The following NRG3 variants were observed in gnomAD, a reference collection of about 807,000 sequenced individuals.
NRG3 encodes neuregulin 3.
In NRG3, 31 loss-of-function variants were observed where a neutral mutation model predicts 66.9. The ratio of observed to expected loss-of-function variants is 0.46; its 90% CI spans 0.35 to 0.63. The LOEUF (loss-of-function observed/expected upper bound fraction) is 0.63, where lower values mean the gene tolerates loss of function less well. Among genes scored for constraint, NRG3 ranks in the 20% least tolerant of loss-of-function variants. The probability of loss-of-function intolerance (pLI) is 0.00; values close to 1 mark genes in which losing one functional copy is unlikely to be tolerated. For missense variants in NRG3, 910 were observed against 878.9 expected, an observed-to-expected ratio of 1.04 and a Z score of -0.45; for synonymous variants, 393 against 359.4, an observed-to-expected ratio of 1.09 and a Z score of -1.06.
At chr10:82,662,605 G>T (rs1054133878) in intron 2 of NRG3, among the ~76,000 whole-genome samples, 1 of 152,162 alleles carries the variant, frequency 6.6e-6, no homozygotes, top group African/African-American at 2.4e-5. Context: ...TGAAGCTACA[G>T]AGCAAGGGAA....
intron 2 of NRG3, among the ~76,000 whole-genome samples, chr10:82,659,774 T>C (rs2052182015): frequency 6.6e-6 from 1 of 152,214 alleles, no homozygotes; most frequent in Non-Finnish European, 1.5e-5. Context: ...ATGACTCTAG[T>C]AATGGCAATG....
At chr10:82,831,909 C>A (rs2062548758) in intron 3 of NRG3, among the ~76,000 whole-genome samples, 1 of 152,100 alleles carries the variant, frequency 6.6e-6, no homozygotes, top group Non-Finnish European at 1.5e-5. Flanking sequence ...CCCACCCCCC[C>A]AACTACCTAC....
At chr10:81,938,529 G>A (rs1554860940) in intron 1 of NRG3, among the ~76,000 whole-genome samples, 1 of 150,442 alleles carries the variant, frequency 6.6e-6, no homozygotes, top group Non-Finnish European at 1.5e-5. Context: ...TTTTTTGTTT[G>A]TTCATTGTTA....
At chr10:82,612,889 T>G (rs1329218913) in intron 2 of NRG3, among the ~76,000 whole-genome samples, 1 of 152,184 alleles carries the variant, frequency 6.6e-6, no homozygotes, top group Non-Finnish European at 1.5e-5. Flanking sequence ...CATGGCTGGG[T>G]GTTACAGAAA....
intron 2 of NRG3, among the ~76,000 whole-genome samples, chr10:82,559,430 C>A (rs904685459): frequency 1.3e-5 from 2 of 152,158 alleles, no homozygotes; most frequent in Admixed American, 6.6e-5. Context: ...TTCATTGAAC[C>A]AAACTCACCC....
intron 4 of NRG3, among the ~76,000 whole-genome samples, chr10:82,888,302 G>A (rs1347328260): frequency 6.6e-6 from 1 of 152,118 alleles, no homozygotes; most frequent in African/African-American, 2.4e-5. Context: ...ATAAATAAAT[G>A]GTTACATATG....
At chr10:82,857,697 T>C (rs1410431655) in intron 3 of NRG3, among the ~76,000 whole-genome samples, 2 of 152,242 alleles carry the variant, frequency 1.3e-5, no homozygotes, top group Non-Finnish European at 1.5e-5. Flanking sequence ...TTGAGGGAAG[T>C]ATCAATTTCT....
chr10:82,190,325 C>T (rs148886658), intron 1 of NRG3, among the ~76,000 whole-genome samples: 1,793 of 151,752 alleles, frequency 0.012, 16 homozygotes, highest in Non-Finnish European at 0.018. Context: ...TAGGACAGTC[C>T]CATAATAAGA....
At chr10:82,955,135 C>A (rs1849916422) in intron 5 of NRG3, 1 of 151,816 alleles carries the variant, frequency 6.6e-6, no homozygotes, top group Admixed American at 6.6e-5. Context: ...TAGACCTTGC[C>A]TTTATGATTC....
chr10:82,315,336 G>A (rs1387826116), intron 1 of NRG3, among the ~76,000 whole-genome samples: 3 of 152,186 alleles, frequency 2.0e-5, no homozygotes, highest in Non-Finnish European at 2.9e-5. Flanking sequence ...GAACAGCAGA[G>A]CTGATCTTTG....
At chr10:82,487,515 G>A (rs916220222) in intron 2 of NRG3, among the ~76,000 whole-genome samples, 16 of 152,114 alleles carry the variant, frequency 1.1e-4, no homozygotes, top group African/African-American at 3.4e-4. Context: ...TATAATGAGT[G>A]CACTCCAGTC....
At chr10:82,607,845 G>A (rs1217026015) in intron 2 of NRG3, among the ~76,000 whole-genome samples, 1 of 151,762 alleles carries the variant, frequency 6.6e-6, no homozygotes, top group Non-Finnish European at 1.5e-5. Context: ...TTTTTGTATT[G>A]CAAGTACTTT....
intron 5 of NRG3, chr10:82,955,057 G>C (rs1199281969): frequency 6.6e-6 from 1 of 151,854 alleles, no homozygotes; most frequent in Non-Finnish European, 1.5e-5. Context: ...TATAGTTTCT[G>C]CCCAGAGGGA....
chr10:82,520,455 T>A (rs1451248263), intron 2 of NRG3, among the ~76,000 whole-genome samples: 2 of 152,012 alleles, frequency 1.3e-5, no homozygotes, highest in Admixed American at 6.6e-5. Flanking sequence ...CATTTTTACC[T>A]GGTATTTTCG....
chr10:82,328,164 TA>T (rs1256752193), intron 1 of NRG3, among the ~76,000 whole-genome samples: 2 of 152,228 alleles, frequency 1.3e-5, no homozygotes, highest in African/African-American at 4.8e-5. Flanking sequence ...TCTATATCCT[TA>T]TATTGCAGAA....
At chr10:82,175,742 G>T (rs2072982385) in intron 1 of NRG3, among the ~76,000 whole-genome samples, 1 of 152,128 alleles carries the variant, frequency 6.6e-6, no homozygotes, top group African/African-American at 2.4e-5. Context: ...ATCATTGTCT[G>T]CCCAGTATGA....
chr10:82,407,575 C>T (rs929567983), intron 2 of NRG3, among the ~76,000 whole-genome samples: 20 of 152,102 alleles, frequency 1.3e-4, no homozygotes. Flanking sequence ...CAAAATAATG[C>T]CTTACTGTGC....
At position 82,531,732 on chromosome 10, in the gene NRG3, A is replaced by T. The variant is rs180868033; in HGVS notation, c.953+172864A>T. Among the ~76,000 whole-genome samples the T allele has an allele frequency of 1.6e-3, 246 of 151,986 alleles. 1 individual carries two copies. Among genetic ancestry groups the T allele is most frequent in the African/African-American group, 5.3e-3 (222 of 41,556 alleles). ...CTCTCAACAAATAATAGGATTTTTT[A>T]AAATAACGTATTTTCACCTTCACCT... On this transcript the variant is annotated intron_variant, in intron 2 of 8. Transcript: ENST00000372141.
intron 2 of NRG3, among the ~76,000 whole-genome samples, chr10:82,639,213 A>G (rs1047273427): frequency 1.3e-5 from 2 of 152,178 alleles, no homozygotes; most frequent in African/African-American, 4.8e-5. Flanking sequence ...TGGAGGTTGG[A>G]AAGTTCAAGT....
Sources: gnomAD v4.1 joint callset for allele counts (sites outside exome capture counted in the v4.1 genomes callset) on GRCh38, gnomAD v4.1.1 for gene constraint, MANE v1.5 for transcripts, NCBI Gene and HGNC (gene_info 2026-07-23, HGNC 2026-07-21) for gene names.